The following DOK1 variants were observed in gnomAD, a reference collection of about 807,000 sequenced individuals.
DOK1 encodes Downstream of tyrosine kinase 1.
Under a neutral mutation model 24.0 loss-of-function variants are expected in DOK1, and 12 were observed. That is an observed-to-expected ratio of 0.50 (90% CI 0.32 to 0.81). The LOEUF (loss-of-function observed/expected upper bound fraction) is 0.81. DOK1 is among the 30% of genes least tolerant of loss of function. The probability of loss-of-function intolerance (pLI) is 0.03; values close to 1 mark genes in which losing one functional copy is unlikely to be tolerated. For missense variants in DOK1, 591 were observed against 620.7 expected (o/e 0.95, Z 0.51); for synonymous variants, 250 against 260.9 (o/e 0.96, Z 0.40).
In DOK1 at chr2:74,556,092, C is replaced by T; in HGVS notation, c.639+14C>T. On this transcript the variant is annotated intron_variant, in intron 4 of 4. Transcript: ENST00000233668. This position sits in a 1 kb window ranked among gnomAD's most constrained non-coding sequence, Gnocchi z 4.1. ...GGCCGGGACAAGGTGCAGGGGCTGT[C>T]CGGGAGGGCTTCCTGGGTTGGGCAG... 1 of 1,564,372 alleles carries T rather than the reference C, an allele frequency of 6.4e-7. No individual in the cohort carries two copies. The highest frequency in any genetic ancestry group is 8.7e-7 in the Non-Finnish European group (1 of 1,152,732).
Position 74,556,703 on chromosome 2 carries a change from G to A in DOK1, c.1035G>A (p.Gln345=). Residue 345 remains glutamine (Q), a synonymous_variant, in exon 5 of 5, where the codon CAG becomes CAA. Transcript: ENST00000233668. This position sits in a 1 kb window ranked among gnomAD's most constrained non-coding sequence, Gnocchi z 4.1. ...ATTGGGACTTGTATGAGCATGCGCA[G>A]CAGCAGTTGCTGAAGGCCAAGCTGA... ...PLYWDLYEHA[Q]QQLLKAKLTD... 2 of 1,614,264 alleles carry A rather than the reference G, an allele frequency of 1.2e-6. No homozygotes were observed. Among genetic ancestry groups the A allele is most frequent in the Non-Finnish European group, 1.7e-6 (2 of 1,180,054 alleles).
upstream of DOK1, chr2:74,550,109 A>T: frequency 6.6e-7 from 1 of 1,517,154 alleles, no homozygotes; most frequent in South Asian, 1.3e-5. Context: ...CTACCTTCTA[A>T]TGTCTCCGCT....
Position 74,555,976 on chromosome 2 carries a change from G to A in DOK1, c.537G>A (p.Glu179=). The A allele has an allele frequency of 1.2e-6, 2 of 1,613,974 alleles. No individual in the cohort carries two copies. Among genetic ancestry groups the A allele is most frequent in the Non-Finnish European group, 1.7e-6 (2 of 1,179,946 alleles). ...GLHGSYVLRV[E]AERLTLLTVG... ...ATGGCTCCTACGTGCTGAGGGTGGAGGCTGAAAGGCTGACTCTCCTGACCG... is the reference window on the plus strand; with the variant it reads ...ATGGCTCCTACGTGCTGAGGGTGGAAGCTGAAAGGCTGACTCTCCTGACCG... Residue 179 remains glutamate, a synonymous_variant, in exon 4 of 5, where the codon GAG becomes GAA. Coordinates refer to ENST00000233668, the MANE Select transcript of DOK1 (RefSeq NM_001381.5). The surrounding 1 kb of genome is among the most constrained non-coding windows in gnomAD (Gnocchi z 6.1).
Position 74,555,010 on chromosome 2 carries a change from G to C in DOK1, c.61-144G>C, listed in dbSNP as rs1041950821. 6 of 1,365,678 alleles carry C rather than the reference G, an allele frequency of 4.4e-6. No individual in the cohort carries two copies. In the African/African-American group the frequency reaches 7.3e-5, roughly 17 times the overall value. 84.6% of individuals were successfully genotyped at this position (1,365,678 alleles called of 1,614,324 possible). On this transcript the variant is annotated intron_variant, in intron 1 of 4. Coordinates refer to ENST00000233668, the MANE Select transcript of DOK1 (RefSeq NM_001381.5). The surrounding 1 kb of genome is among the most constrained non-coding windows in gnomAD (Gnocchi z 6.1). ...GTTCTGGTCCTGGGGAGACGGAGTG[G>C]CATCGTCCTTGGGAAACTTCGCCCC...
At chr2:74,552,736 A>G (rs1318991684), upstream of DOK1, 1 of 1,140,646 alleles carries the variant, frequency 8.8e-7, no homozygotes, top group African/African-American at 1.6e-5. Flanking sequence ...CGAAAGAAAA[A>G]CAGACACTGA....
chr2:74,552,339 T>A (rs1677069271), upstream of DOK1: 1 of 1,601,058 alleles, frequency 6.2e-7, no homozygotes, highest in African/African-American at 1.3e-5. Flanking sequence ...AGGGCCATAT[T>A]TGGCACTGTG....
At chr2:74,550,320 G>A (rs1252934384), upstream of DOK1, 1 of 1,614,022 alleles carries the variant, frequency 6.2e-7, no homozygotes, top group South Asian at 1.1e-5. Flanking sequence ...CGGTCCCACT[G>A]CAGCTCAAGT....
At position 74,555,571 on chromosome 2, in the gene DOK1, A is replaced by G. The variant is rs2104469328; in HGVS notation, c.361-4A>G. On this transcript the variant is annotated splice_region_variant and splice_polypyrimidine_tract_variant and intron_variant, in intron 2 of 4. Transcript: ENST00000233668. This position sits in a 1 kb window ranked among gnomAD's most constrained non-coding sequence, Gnocchi z 6.1. ...TACGGGTTTCTCGATGCTCTCTACT[A>G]CAGAAAGGCAGCTGGACTCTGGCGC... 1 of 1,612,432 alleles carries G rather than the reference A, an allele frequency of 6.2e-7. No homozygotes were observed. The highest frequency in any genetic ancestry group is 8.5e-7 in the Non-Finnish European group (1 of 1,179,786).
chr2:74,550,186 T>C (rs1381447228), upstream of DOK1: 1 of 1,612,890 alleles, frequency 6.2e-7, no homozygotes, highest in Non-Finnish European at 8.5e-7. Flanking sequence ...AATGCAGACC[T>C]CAATGACATT....
chr2:74,553,959 T>A (rs1461371724), upstream of DOK1: 1 of 140,398 alleles, frequency 7.1e-6, no homozygotes, highest in South Asian at 2.2e-4. Context: ...AAAAAAAAAA[T>A]GCTCGGCCAG....
Position 74,554,763 on chromosome 2 carries a change from A to C in DOK1, c.9A>C (p.Gly3=), listed in dbSNP as rs549635023. The C allele has an allele frequency of 5.0e-6, 8 of 1,612,988 alleles. No homozygotes were observed. The African/African-American group carries it at 1.1e-4, about 21-fold the overall frequency. MD[G]AVMEGPLFLQ... ...AGGAACCGCCGGGGGCCATGGACGG[A>C]GCAGTGATGGAAGGGCCGCTTTTTT... The change falls in exon 1 of 5, where the codon GGA becomes GGC. Residue 3 remains glycine (G), a synonymous_variant. Coordinates refer to ENST00000233668, the MANE Select transcript of DOK1 (RefSeq NM_001381.5). The surrounding 1 kb of genome is among the most constrained non-coding windows in gnomAD (Gnocchi z 4.9).
In DOK1 at chr2:74,557,190, C is replaced by T; in HGVS notation, c.*76C>T. On this transcript the variant is annotated 3_prime_UTR_variant, in exon 5 of 5. Transcript: ENST00000233668. Reference sequence around the variant, plus strand: ...TAGGGATCAAAGAAGATGGTTAGAACCAGCAGAAGCCAGAGGGTGGGAGGG... The same window carrying T: ...TAGGGATCAAAGAAGATGGTTAGAATCAGCAGAAGCCAGAGGGTGGGAGGG... 1.4e-6 allele frequency: 2 copies of T among 1,438,532 alleles called. No homozygotes were observed. Among genetic ancestry groups the T allele is most frequent in the South Asian group, 2.7e-5 (2 of 73,340 alleles). The allele number at this position is 1,438,532 out of a possible 1,614,324, so 89.1% of individuals were successfully genotyped here.
upstream of DOK1, chr2:74,552,516 T>A: frequency 1.2e-6 from 2 of 1,613,466 alleles, no homozygotes; most frequent in Non-Finnish European, 1.7e-6. Flanking sequence ...CCGAAGCCCC[T>A]GGCTCCCGGC....
upstream of DOK1, among the ~76,000 whole-genome samples, chr2:74,551,713 GGGGAATCA>G (rs1291752934): frequency 6.6e-6 from 1 of 152,100 alleles, no homozygotes; most frequent in Non-Finnish European, 1.5e-5. Context: ...AGTGGGAACT[GGGGAATCA>G]GCTGCAGGTT....
upstream of DOK1, chr2:74,554,390 C>T (rs979782238): frequency 1.2e-5 from 3 of 258,918 alleles, no homozygotes; most frequent in South Asian, 5.5e-5. The surrounding 1 kb of genome is among the most constrained non-coding windows in gnomAD (Gnocchi z 4.9). Flanking sequence ...TGGGTCTCTC[C>T]GGTGCCCGGG....
chr2:74,556,608 C>A lies in DOK1; in HGVS notation c.940C>A (p.Leu314Ile). 2 of 1,614,258 alleles carry A rather than the reference C, an allele frequency of 1.2e-6. No homozygotes were observed. The highest frequency in any genetic ancestry group is 1.7e-6 in the Non-Finnish European group (2 of 1,180,040). ...TGCTCCATGCCCTTCCCAGGACTCC[C>A]TATACTCAGACCCCTTGGACAGCAC... ...RIAPCPSQDS[L>I]YSDPLDSTSA... is the part of the protein sequence containing the mutation. The change falls in exon 5 of 5, where the codon CTA (leucine) becomes ATA (isoleucine). Residue 314 changes from leucine to isoleucine, a missense_variant. Transcript: ENST00000233668. This position sits in a 1 kb window ranked among gnomAD's most constrained non-coding sequence, Gnocchi z 4.1.
chr2:74,555,450 T>G lies in DOK1; in HGVS notation c.357T>G (p.Phe119Leu). 2 of 1,609,196 alleles carry G rather than the reference T, an allele frequency of 1.2e-6. No individual in the cohort carries two copies. Among genetic ancestry groups the G allele is most frequent in the Non-Finnish European group, 1.7e-6 (2 of 1,178,400 alleles). ...TGCAGACGCTGTGCCGAAACGCCTT[T>G]CCGGTGAGGAGCTGCGGCGATGCGG... Reference protein sequence around the residue: ...AWVQTLCRNAFPKGSWTLAPT... With the variant: ...AWVQTLCRNALPKGSWTLAPT... The change falls in exon 2 of 5, where the codon TTT becomes TTG. Residue 119 changes from phenylalanine (F) to leucine (L), a missense_variant. By Grantham distance (22) the Phe-to-Leu change is conservative. Coordinates refer to ENST00000233668, the MANE Select transcript of DOK1 (RefSeq NM_001381.5). This position sits in a 1 kb window ranked among gnomAD's most constrained non-coding sequence, Gnocchi z 6.1.
At chr2:74,554,632 C>G (rs560774317), upstream of DOK1, 145 of 884,266 alleles carry the variant, frequency 1.6e-4, no homozygotes, top group African/African-American at 2.0e-3. This position sits in a 1 kb window ranked among gnomAD's most constrained non-coding sequence, Gnocchi z 4.9. Flanking sequence ...CCCACCGCGA[C>G]CCCCCCAGCG....
chr2:74,554,357 A>C, upstream of DOK1: 2 of 195,174 alleles, frequency 1.0e-5, no homozygotes, highest in African/African-American at 2.4e-5. The surrounding 1 kb of genome is among the most constrained non-coding windows in gnomAD (Gnocchi z 4.9). Context: ...CGGCCAGGGT[A>C]AATAAAGCCC....
Sources: gnomAD v4.1 joint callset for allele counts (sites outside exome capture counted in the v4.1 genomes callset) on GRCh38, gnomAD v4.1.1 for gene constraint, Gnocchi (gnomAD v3.1) non-coding constraint, MANE v1.5 for transcripts, NCBI Gene and HGNC (gene_info 2026-07-23, HGNC 2026-07-21) for gene names.